Variants in FBXO4 observed in about 807,000 individuals in gnomAD.
FBXO4 encodes the protein F-box only protein 4.
Under a neutral mutation model 43.7 loss-of-function variants are expected in FBXO4, and 36 were observed. The observed-to-expected ratio is 0.82, with a 90% confidence interval of 0.63 to 1.09. FBXO4 has a LOEUF of 1.09. Among genes scored for constraint, FBXO4 ranks in the 50% least tolerant of loss-of-function variants. FBXO4 has a pLI of 0.00. For missense variants in FBXO4, 435 were observed against 474.1 expected (o/e 0.92, Z 0.77); for synonymous variants, 180 against 165.6 (o/e 1.09, Z -0.67).
At chr5:41,990,705 C>T in the FBXO4 span, among the ~76,000 whole-genome samples, 3 of 152,108 alleles carry the variant, frequency 2.0e-5, no homozygotes, top group African/African-American at 7.2e-5. Flanking sequence ...ACATTAATAG[C>T]ATTTTTATTA....
chr5:42,007,566 G>A, the FBXO4 span, among the ~76,000 whole-genome samples: 1 of 152,018 alleles, frequency 6.6e-6, no homozygotes, highest in Admixed American at 6.6e-5. Context: ...AACACTCCTT[G>A]ATTAATCTGA....
At chr5:41,949,732 A>G in the FBXO4 span, among the ~76,000 whole-genome samples, 4 of 152,350 alleles carry the variant, frequency 2.6e-5, no homozygotes, top group East Asian at 7.7e-4. Flanking sequence ...TTCATATGGA[A>G]TCAAAAAAGA....
the FBXO4 span, among the ~76,000 whole-genome samples, chr5:42,006,878 G>T: frequency 4.9e-5 from 3 of 60,834 alleles, no homozygotes; most frequent in African/African-American, 9.0e-5. Context: ...CATTCCTAAG[G>T]TTCATGCTGA....
chr5:41,933,803 G>A (rs368369930), intron 3 of FBXO4, 143 bp from the exon 4 acceptor site: 27 of 621,998 alleles, frequency 4.3e-5, no homozygotes, highest in African/African-American at 1.9e-4. Flanking sequence ...TTTCTTCAAC[G>A]TATACATTTT....
At chr5:42,008,998 C>G in the FBXO4 span, among the ~76,000 whole-genome samples, 1 of 152,026 alleles carries the variant, frequency 6.6e-6, no homozygotes, top group South Asian at 2.1e-4. Flanking sequence ...GGAGATTATT[C>G]TATGTATGGT....
At chr5:41,963,220 T>C in the FBXO4 span, among the ~76,000 whole-genome samples, 1 of 151,900 alleles carries the variant, frequency 6.6e-6, no homozygotes, top group African/African-American at 2.4e-5. Flanking sequence ...ATACACACAC[T>C]ACACATAATA....
chr5:41,951,526 C>A, the FBXO4 span: 1 of 261,096 alleles, frequency 3.8e-6, no homozygotes. Context: ...CCTGAAATTC[C>A]TCCTTGGTCA....
chr5:41,928,291 T>C (rs1053902944), intron 2 of FBXO4, among the ~76,000 whole-genome samples: 2 of 152,124 alleles, frequency 1.3e-5, no homozygotes, highest in African/African-American at 4.8e-5. Context: ...TTTATGGTCA[T>C]ATAAAGTACT....
chr5:41,986,834 A>T, the FBXO4 span, among the ~76,000 whole-genome samples: 1 of 152,208 alleles, frequency 6.6e-6, no homozygotes, highest in Non-Finnish European at 1.5e-5. Context: ...CATGCAAAAA[A>T]ATAAGATAGG....
chr5:42,006,916 A>ATATATATG, the FBXO4 span, among the ~76,000 whole-genome samples: 1 of 140,908 alleles, frequency 7.1e-6, no homozygotes, highest in Non-Finnish European at 1.5e-5. Flanking sequence ...ATATATATAT[A>ATATATATG]TGTATATACA....
chr5:41,972,530 A>AC, the FBXO4 span, among the ~76,000 whole-genome samples: 1 of 152,218 alleles, frequency 6.6e-6, no homozygotes, highest in African/African-American at 2.4e-5. Context: ...TATTCTTATC[A>AC]AACCACCAAT....
intron 5 of FBXO4, among the ~76,000 whole-genome samples, chr5:41,936,707 A>G (rs1330788914): frequency 6.6e-6 from 1 of 152,206 alleles, no homozygotes; most frequent in Non-Finnish European, 1.5e-5. Context: ...GCATATTAGC[A>G]AAGGAAAGAA....
the FBXO4 span, among the ~76,000 whole-genome samples, chr5:42,011,419 A>G: frequency 6.6e-6 from 1 of 152,194 alleles, no homozygotes; most frequent in Non-Finnish European, 1.5e-5. Context: ...CCCTCACCAG[A>G]TGTGGCTGCT....
chr5:41,938,401 A>G (rs2112585551), intron 5 of FBXO4, among the ~76,000 whole-genome samples: 1 of 152,324 alleles, frequency 6.6e-6, no homozygotes, highest in South Asian at 2.1e-4. Context: ...GGAACCATTA[A>G]AAAACTCAGT....
At chr5:41,989,499 T>C in the FBXO4 span, among the ~76,000 whole-genome samples, 30 of 152,198 alleles carry the variant, frequency 2.0e-4, no homozygotes, top group Non-Finnish European at 3.2e-4. Flanking sequence ...GTTATTACTG[T>C]AATTTAGGTA....
In FBXO4 at chr5:41,929,771, T is replaced by C. The variant is rs371078455; in HGVS notation, c.500T>C (p.Phe167Ser). Reference sequence around the variant, plus strand: ...CCTATGTATGGAGCTGTCACTTCTTTTTTACACTCCCTGATCATTCAGAAT... The same window carrying C: ...CCTATGTATGGAGCTGTCACTTCTTCTTTACACTCCCTGATCATTCAGAAT... ...SRPMYGAVTS[F>S]LHSLIIQNEP... Residue 167 changes from phenylalanine (F) to serine (S), a missense_variant, in exon 3 of 7, where the codon TTT becomes TCT. Coordinates refer to ENST00000281623, the MANE Select transcript of FBXO4 (RefSeq NM_012176.3). The C allele has an allele frequency of 9.7e-5, 157 of 1,614,078 alleles. No homozygotes were observed. Among genetic ancestry groups the C allele is most frequent in the Non-Finnish European group, 1.3e-4 (151 of 1,180,036 alleles).
chr5:41,984,464 G>A, the FBXO4 span, among the ~76,000 whole-genome samples: 2 of 152,148 alleles, frequency 1.3e-5, no homozygotes, highest in Non-Finnish European at 2.9e-5. Flanking sequence ...TTGGTCATGT[G>A]TTATATTACA....
the FBXO4 span, among the ~76,000 whole-genome samples, chr5:41,972,257 A>G: frequency 6.6e-6 from 1 of 152,254 alleles, no homozygotes; most frequent in East Asian, 1.9e-4. Flanking sequence ...GTTTCAGGGT[A>G]TAAAAATCAA....
chr5:41,926,265 G>T (rs1751495706), intron 1 of FBXO4, among the ~76,000 whole-genome samples: 1 of 152,128 alleles, frequency 6.6e-6, no homozygotes, highest in Admixed American at 6.5e-5. Flanking sequence ...AATAGATTCT[G>T]TAGAGGAACT....
Sources: gnomAD v4.1 joint callset for allele counts (sites outside exome capture counted in the v4.1 genomes callset) on GRCh38, gnomAD v4.1.1 for gene constraint, MANE v1.5 for transcripts, NCBI Gene and HGNC (gene_info 2026-07-23, HGNC 2026-07-21) for gene names.